The following CRY1 variants were observed in gnomAD, a reference collection of about 807,000 sequenced individuals.
The protein encoded by CRY1 is cryptochrome-1.
In CRY1, 45 loss-of-function variants were observed where a neutral mutation model predicts 76.0. That is an observed-to-expected ratio of 0.59 (90% confidence interval 0.47 to 0.76). The LOEUF is 0.76. CRY1 is among the 30% of genes least tolerant of loss of function. CRY1 has a pLI of 0.00. For missense variants in CRY1, 587 were observed against 716.4 expected (o/e 0.82, Z 2.06); for synonymous variants, 248 against 244.0 (o/e 1.02, Z -0.15).
chr12:107,065,494 C>T (rs1953098920), intron 1 of CRY1, among the ~76,000 whole-genome samples: 1 of 151,538 alleles, frequency 6.6e-6, no homozygotes, highest in African/African-American at 2.4e-5. Context: ...ACTCGGGAGA[C>T]TGAGGCAGGA....
intron 10 of CRY1, among the ~76,000 whole-genome samples, chr12:106,995,693 G>A (rs1593490175): frequency 1.3e-5 from 2 of 151,692 alleles, no homozygotes; most frequent in East Asian, 3.9e-4. Flanking sequence ...TGTGCAGGAT[G>A]TGCAGGTTTG....
At chr12:107,039,781 T>C (rs1952777434) in intron 1 of CRY1, among the ~76,000 whole-genome samples, 3 of 152,152 alleles carry the variant, frequency 2.0e-5, no homozygotes, top group Non-Finnish European at 4.4e-5. Flanking sequence ...TGAATAGAAC[T>C]ACCATATGAT....
intron 1 of CRY1, among the ~76,000 whole-genome samples, chr12:107,042,297 TAAG>T (rs1329231038): frequency 6.6e-6 from 1 of 152,190 alleles, no homozygotes; most frequent in Non-Finnish European, 1.5e-5. Flanking sequence ...GTTGAATGTT[TAAG>T]GAGACAGAAT....
intron 1 of CRY1, among the ~76,000 whole-genome samples, chr12:107,045,098 CAA>C (rs1413361956): frequency 4.0e-5 from 6 of 151,898 alleles, no homozygotes; most frequent in East Asian, 1.9e-4. Flanking sequence ...AAGTTAAAGA[CAA>C]AGAGAGAATT....
intron 1 of CRY1, among the ~76,000 whole-genome samples, chr12:107,059,194 T>C (rs1353276543): frequency 6.6e-6 from 1 of 152,226 alleles, no homozygotes; most frequent in Admixed American, 6.5e-5. Flanking sequence ...TCATTATTTT[T>C]AATGTAAGTT....
intron 1 of CRY1, among the ~76,000 whole-genome samples, chr12:107,075,907 A>G (rs1474496297): frequency 2.6e-5 from 4 of 152,210 alleles, no homozygotes. Context: ...TTTGAGTACA[A>G]AAAGAAGAAA....
chr12:107,036,095 T>G (rs1157928383), intron 1 of CRY1, among the ~76,000 whole-genome samples: 1 of 152,190 alleles, frequency 6.6e-6, no homozygotes, highest in Non-Finnish European at 1.5e-5. Flanking sequence ...CAAGGCCTCC[T>G]CCACAGTAGG....
At chr12:107,039,711 T>A (rs1952776617) in intron 1 of CRY1, among the ~76,000 whole-genome samples, 1 of 152,196 alleles carries the variant, frequency 6.6e-6, no homozygotes, top group South Asian at 2.1e-4. Context: ...GTAATGTTGG[T>A]GGCGCTGCAA....
intron 1 of CRY1, among the ~76,000 whole-genome samples, chr12:107,075,529 C>T (rs910708990): frequency 2.0e-5 from 3 of 152,082 alleles, no homozygotes; most frequent in Admixed American, 6.6e-5. Context: ...GAATAATAGG[C>T]AATATCAGTC....
At chr12:107,006,025 A>G (rs1952370216) in intron 2 of CRY1, among the ~76,000 whole-genome samples, 1 of 152,116 alleles carries the variant, frequency 6.6e-6, no homozygotes, top group Non-Finnish European at 1.5e-5. Context: ...CCTATATGGT[A>G]ACATACTATA....
chr12:107,065,551 C>T (rs766587610), intron 1 of CRY1, among the ~76,000 whole-genome samples: 21 of 151,304 alleles, frequency 1.4e-4, no homozygotes, highest in Non-Finnish European at 8.8e-5. Context: ...GCTGAGATTG[C>T]GCCATTGCAC....
rs200023592 is a variant in CRY1 at position 106,992,957 on chromosome 12, A to G, written c.1657+8T>C. 8.4e-5 allele frequency: 136 copies of G among 1,614,074 alleles called. 1 individual carries two copies. The Middle Eastern group carries it at 9.9e-4, about 12-fold the overall frequency. On this transcript the variant is annotated splice_region_variant and intron_variant, in intron 11 of 12. Transcript: ENST00000008527. ...AAAGAACAGTATGCTCCAATGCTTC[A>G]TTCTTACCTTGCTTCAACAGGTGAG...
chr12:107,003,513 C>T (rs994695845), intron 3 of CRY1, among the ~76,000 whole-genome samples: 4 of 152,186 alleles, frequency 2.6e-5, no homozygotes, highest in Admixed American at 2.0e-4. Context: ...TTTCATTATA[C>T]AATACGTAGT....
At chr12:106,994,202 G>C (rs1248796735) in intron 10 of CRY1, among the ~76,000 whole-genome samples, 3 of 152,120 alleles carry the variant, frequency 2.0e-5, no homozygotes, top group Non-Finnish European at 4.4e-5. Context: ...TTTCAAATGG[G>C]GCAGAAACCT....
At chr12:107,005,386 AAAC>A in intron 2 of CRY1, 138 bp from the exon 3 acceptor site, 1 of 867,510 alleles carries the variant, frequency 1.2e-6, no homozygotes, top group East Asian at 2.7e-5. Context: ...AGGAAAAAGT[AAAC>A]AATTTATCAA....
chr12:107,029,658 C>T (rs930580139), intron 1 of CRY1, among the ~76,000 whole-genome samples: 1 of 147,290 alleles, frequency 6.8e-6, no homozygotes, highest in African/African-American at 2.5e-5. Flanking sequence ...AATTCCTCTA[C>T]AAAATTTCTA....
At chr12:107,073,047 T>C (rs779292178) in intron 1 of CRY1, 12 of 152,000 alleles carry the variant, frequency 7.9e-5, no homozygotes, top group Non-Finnish European at 1.2e-4. Flanking sequence ...TCAGTGTCAA[T>C]GTAAATTCTA....
chr12:107,001,975 T>C (rs773799642), intron 3 of CRY1, 27 bp from the exon 4 acceptor site: 2 of 1,540,816 alleles, frequency 1.3e-6, no homozygotes, highest in South Asian at 1.3e-5. Flanking sequence ...TAAAATGTAG[T>C]TAGTATTAAA....
In CRY1 at chr12:107,092,367, A is replaced by G. The variant is rs531055413; in HGVS notation, c.158+437T>C. 1.5e-3 allele frequency among the ~76,000 whole-genome samples: 231 copies of G among 152,312 alleles called. 1 individual carries two copies. Among genetic ancestry groups the G allele is most frequent in the African/African-American group, 5.4e-3 (223 of 41,554 alleles). ...CAAGGTGGAAGAACACTGGATCTGGAGCCTGCTGTACTGAATGAATGATTT... is the reference window on the plus strand; with the variant it reads ...CAAGGTGGAAGAACACTGGATCTGGGGCCTGCTGTACTGAATGAATGATTT... On this transcript the variant is annotated intron_variant, in intron 1 of 12. Transcript: ENST00000008527.
Sources: gnomAD v4.1 joint callset for allele counts (sites outside exome capture counted in the v4.1 genomes callset) on GRCh38, gnomAD v4.1.1 for gene constraint, MANE v1.5 for transcripts, NCBI Gene and HGNC (gene_info 2026-07-23, HGNC 2026-07-21) for gene names.